Variants in PKP4 observed in about 807,000 individuals in gnomAD.
The protein encoded by PKP4 is plakophilin-4.
In PKP4, 90 loss-of-function variants were observed where a neutral mutation model predicts 145.1. The observed-to-expected ratio is 0.62, with a 90% confidence interval of 0.52 to 0.74. The LOEUF is 0.74. Ranked by LOEUF, PKP4 falls within the 30% of genes least tolerant of loss-of-function variation. The probability of loss-of-function intolerance (pLI) is 0.00; values close to 1 mark genes in which losing one functional copy is unlikely to be tolerated. For missense variants in PKP4, 1,340 were observed against 1,482.7 expected (o/e 0.90, Z 1.58); for synonymous variants, 563 against 577.2 (o/e 0.98, Z 0.35).
chr2:158,651,667 C>G (rs2055376061), intron 11 of PKP4, among the ~76,000 whole-genome samples: 2 of 151,874 alleles, frequency 1.3e-5, no homozygotes. Flanking sequence ...TCCCATCCTC[C>G]TGTCAAACAC....
intron 1 of PKP4, among the ~76,000 whole-genome samples, chr2:158,478,371 A>G (rs886861964): frequency 5.9e-5 from 9 of 151,992 alleles, no homozygotes; most frequent in African/African-American, 2.2e-4. Context: ...TGATTTTCAT[A>G]GTAAATCCTT....
rs200056852 is a variant in PKP4 at position 158,640,742 on chromosome 2, A to G, written c.1678A>G (p.Asn560Asp). ...CCTGCAGCACCTGTGCTTTGGTGAC[A>G]ACAAAGTGAAGATGGAGGTACAGGA... ...AYLQHLCFGD[N>D]KVKMEVCRLG... The change falls in exon 10 of 22, where the codon AAC becomes GAC. Residue 560 changes from asparagine to aspartate, a missense_variant. By Grantham distance (23) the Asn-to-Asp change is conservative (BLOSUM62 1). Coordinates refer to ENST00000389759, the MANE Select transcript of PKP4 (RefSeq NM_003628.6). 1.9e-6 allele frequency: 3 copies of G among 1,614,130 alleles called. No individual in the cohort carries two copies. Among genetic ancestry groups the G allele is most frequent in the South Asian group, 2.2e-5 (2 of 91,086 alleles).
chr2:158,613,640 C>A (rs2051330326), intron 4 of PKP4, among the ~76,000 whole-genome samples: 1 of 152,148 alleles, frequency 6.6e-6, no homozygotes, highest in African/African-American at 2.4e-5. Flanking sequence ...AGGCTGAGAA[C>A]CATCGCATTA....
intron 2 of PKP4, among the ~76,000 whole-genome samples, chr2:158,547,073 G>T (rs913248452): frequency 4.6e-5 from 7 of 152,114 alleles, no homozygotes; most frequent in Admixed American, 2.0e-4. Flanking sequence ...GCCATGGGGG[G>T]GCAGTGGTAA....
intron 1 of PKP4, among the ~76,000 whole-genome samples, chr2:158,481,712 C>T (rs1693380790): frequency 6.6e-6 from 1 of 152,134 alleles, no homozygotes; most frequent in South Asian, 2.1e-4. Flanking sequence ...TTATTTAAAT[C>T]CTTTGCCCTT....
At chr2:158,623,815 G>A (rs2052495394) in intron 6 of PKP4, among the ~76,000 whole-genome samples, 1 of 152,176 alleles carries the variant, frequency 6.6e-6, no homozygotes, top group African/African-American at 2.4e-5. Context: ...GGAGGTAACA[G>A]AGCAGCCTGG....
chr2:158,567,339 A>T (rs557581832), intron 2 of PKP4, among the ~76,000 whole-genome samples: 1 of 152,292 alleles, frequency 6.6e-6, no homozygotes, highest in African/African-American at 2.4e-5. Flanking sequence ...AGCCATAAAT[A>T]ATTCTGTGTA....
chr2:158,580,351 G>A (rs999102965), intron 3 of PKP4, among the ~76,000 whole-genome samples: 3 of 152,054 alleles, frequency 2.0e-5, no homozygotes, highest in South Asian at 2.1e-4. Flanking sequence ...AGTGAATGTC[G>A]GGTGAATGAA....
rs573314862 is a variant in PKP4 at position 158,493,879 on chromosome 2, G to A, written c.-6+36661G>A. Among the ~76,000 whole-genome samples, 10 of 152,092 alleles carry A rather than the reference G, an allele frequency of 6.6e-5. No homozygotes were observed. In the South Asian group the frequency reaches 2.1e-3, roughly 32 times the overall value. ...ACTCTCCCCCTTTCCCCACCCTTGT[G>A]GACCCCTTTTTTCAGTCTTCTTTCA... is the stretch of plus-strand genomic sequence containing the variant. On this transcript the variant is annotated intron_variant, in intron 1 of 21. Coordinates refer to ENST00000389759, the MANE Select transcript of PKP4 (RefSeq NM_003628.6).
At chr2:158,540,199 C>A (rs1244250302) in intron 2 of PKP4, among the ~76,000 whole-genome samples, 1 of 152,164 alleles carries the variant, frequency 6.6e-6, no homozygotes, top group African/African-American at 2.4e-5. Flanking sequence ...AGTATTTGTT[C>A]TCTTTGATTT....
At position 158,625,007 on chromosome 2, in the gene PKP4, T is replaced by C; in HGVS notation, c.733T>C (p.Phe245Leu). 2 of 1,614,198 alleles carry C rather than the reference T, an allele frequency of 1.2e-6. No individual in the cohort carries two copies. Among genetic ancestry groups the C allele is most frequent in the Non-Finnish European group, 1.7e-6 (2 of 1,180,022 alleles). Reference protein sequence around the residue: ...GSLRTSLGSGFGSPSVTDPRP... With the variant: ...GSLRTSLGSGLGSPSVTDPRP... ...TCTGAGAACTTCTCTGGGTAGTGGA[T>C]TTGGCTCTCCGTCAGTGACCGACCC... The change falls in exon 7 of 22, where the codon TTT becomes CTT. Residue 245 changes from phenylalanine (F) to leucine (L), a missense_variant. Physicochemically the swap from Phe to Leu is conservative, Grantham distance 22. Coordinates refer to ENST00000389759, the MANE Select transcript of PKP4 (RefSeq NM_003628.6).
intron 9 of PKP4, among the ~76,000 whole-genome samples, chr2:158,636,274 AT>A (rs962000669): frequency 3.6e-4 from 53 of 148,308 alleles, no homozygotes; most frequent in African/African-American, 5.4e-4. Flanking sequence ...TTTTTAAAGG[AT>A]TTTTTTTTTG....
At chr2:158,612,895 A>T (rs1205894628) in intron 4 of PKP4, among the ~76,000 whole-genome samples, 1 of 152,190 alleles carries the variant, frequency 6.6e-6, no homozygotes, top group Non-Finnish European at 1.5e-5. Context: ...TAAAAGTATC[A>T]TACTGTTTCC....
At chr2:158,546,864 CTT>C (rs1365529237) in intron 2 of PKP4, among the ~76,000 whole-genome samples, 2 of 152,072 alleles carry the variant, frequency 1.3e-5, no homozygotes, top group Non-Finnish European at 2.9e-5. Context: ...AAAAAGGCCT[CTT>C]TTTTATGCAG....
chr2:158,558,145 A>G (rs1412928223), intron 2 of PKP4, among the ~76,000 whole-genome samples: 1 of 152,222 alleles, frequency 6.6e-6, no homozygotes, highest in Admixed American at 6.5e-5. Context: ...CCTCTGAATA[A>G]TAAGTGTTAA....
chr2:158,532,075 A>G (rs1272266526), intron 1 of PKP4, among the ~76,000 whole-genome samples: 1 of 152,196 alleles, frequency 6.6e-6, no homozygotes, highest in East Asian at 1.9e-4. Flanking sequence ...TATTTTGGAA[A>G]CAGAAGACTG....
chr2:158,659,758 A>G (rs904450940), intron 12 of PKP4: 2 of 152,312 alleles, frequency 1.3e-5, no homozygotes, highest in Admixed American at 6.5e-5. Context: ...GCCGTAGCCT[A>G]CTGAGCAAAG....
intron 20 of PKP4, among the ~76,000 whole-genome samples, chr2:158,677,818 T>C (rs2058136577): frequency 6.6e-6 from 1 of 152,256 alleles, no homozygotes; most frequent in Non-Finnish European, 1.5e-5. Flanking sequence ...TTGCTTCCGA[T>C]TTGCAGCAGC....
intron 3 of PKP4, among the ~76,000 whole-genome samples, chr2:158,593,526 A>G (rs183764165): frequency 7.6e-4 from 115 of 151,988 alleles, no homozygotes; most frequent in East Asian, 6.8e-3. Context: ...TGGTCTTCTG[A>G]CTCTTTTATT....
Sources: gnomAD v4.1 joint callset for allele counts (sites outside exome capture counted in the v4.1 genomes callset) on GRCh38, gnomAD v4.1.1 for gene constraint, MANE v1.5 for transcripts, NCBI Gene and HGNC (gene_info 2026-07-23, HGNC 2026-07-21) for gene names.